TRAPPC9: variants seen among roughly 807,000 people sequenced by gnomAD.
The protein encoded by TRAPPC9 is IKK2 binding protein.
In TRAPPC9, 83 loss-of-function variants were observed where a neutral mutation model predicts 124.0. That is an observed-to-expected ratio of 0.67 (90% confidence interval 0.56 to 0.80). TRAPPC9 has a LOEUF of 0.80. Ranked by LOEUF, TRAPPC9 falls within the 30% of genes least tolerant of loss-of-function variation. The pLI is 0.00. For missense variants in TRAPPC9, 1,302 were observed against 1,508.3 expected (o/e 0.86, Z 2.27); for synonymous variants, 638 against 617.5 (o/e 1.03, Z -0.49).
intron 17 of TRAPPC9, among the ~76,000 whole-genome samples, chr8:140,177,583 C>A (rs545113373): frequency 2.0e-5 from 3 of 151,888 alleles, no homozygotes; most frequent in African/African-American, 7.3e-5. Context: ...TTCCTACATA[C>A]GTCATACAAA....
chr8:139,836,808 A>G (rs1371894191), intron 21 of TRAPPC9, among the ~76,000 whole-genome samples: 1 of 152,214 alleles, frequency 6.6e-6, no homozygotes, highest in Admixed American at 6.5e-5. Flanking sequence ...TAAGCTAAAA[A>G]ATAGGATCTT....
At chr8:140,313,592 C>T (rs897015587) in intron 9 of TRAPPC9, among the ~76,000 whole-genome samples, 2 of 152,118 alleles carry the variant, frequency 1.3e-5, no homozygotes, top group African/African-American at 4.8e-5. Flanking sequence ...GCTGTGAGCA[C>T]TCTCAGAGCT....
intron 4 of TRAPPC9, among the ~76,000 whole-genome samples, chr8:140,433,688 C>A (rs1261406665): frequency 6.6e-6 from 1 of 152,100 alleles, no homozygotes; most frequent in African/African-American, 2.4e-5. Flanking sequence ...GTCAAATCAA[C>A]GTTTTTACTT....
chr8:140,079,619 C>T (rs1470232688), intron 17 of TRAPPC9, among the ~76,000 whole-genome samples: 15 of 152,146 alleles, frequency 9.9e-5, no homozygotes. Context: ...GCAACAAAAA[C>T]GTCTAATTGT....
chr8:139,816,493 C>T (rs1824844436), intron 21 of TRAPPC9, among the ~76,000 whole-genome samples: 1 of 152,116 alleles, frequency 6.6e-6, no homozygotes. Flanking sequence ...GGGGCTGCCC[C>T]CATCTCAGTA....
At chr8:140,114,849 G>T (rs2060849563) in intron 17 of TRAPPC9, among the ~76,000 whole-genome samples, 1 of 152,216 alleles carries the variant, frequency 6.6e-6, no homozygotes, top group Non-Finnish European at 1.5e-5. Context: ...TCCGGAATAT[G>T]TGAGTAATAA....
intron 17 of TRAPPC9, among the ~76,000 whole-genome samples, chr8:140,084,157 A>G (rs557409147): frequency 3.3e-5 from 5 of 152,302 alleles, no homozygotes; most frequent in African/African-American, 1.2e-4. Flanking sequence ...AGAAAAGGGA[A>G]TAACAACATA....
chr8:140,100,453 G>A (rs1406267601), intron 17 of TRAPPC9: 1 of 152,296 alleles, frequency 6.6e-6, no homozygotes, highest in African/African-American at 2.4e-5. Flanking sequence ...GGGACACCCA[G>A]CTACGTCTCG....
At chr8:140,350,386 A>G (rs1218833967) in intron 9 of TRAPPC9, among the ~76,000 whole-genome samples, 1 of 152,182 alleles carries the variant, frequency 6.6e-6, no homozygotes, top group Non-Finnish European at 1.5e-5. Flanking sequence ...CCATTAGCAA[A>G]CCAGATGGGG....
intron 17 of TRAPPC9, among the ~76,000 whole-genome samples, chr8:140,219,917 C>T (rs762913350): frequency 1.3e-4 from 20 of 152,176 alleles, no homozygotes; most frequent in Middle Eastern, 3.2e-3. Context: ...CCCCAAGGCA[C>T]GTGCAGATCC....
At chr8:139,886,553 A>T (rs374025529) in intron 20 of TRAPPC9, among the ~76,000 whole-genome samples, 5 of 152,196 alleles carry the variant, frequency 3.3e-5, no homozygotes, top group African/African-American at 1.2e-4. Flanking sequence ...TTAAACAGCC[A>T]ATGTGATTCT....
At chr8:139,817,079 C>CACA (rs376187685) in intron 21 of TRAPPC9, among the ~76,000 whole-genome samples, 5 of 151,078 alleles carry the variant, frequency 3.3e-5, no homozygotes, top group Admixed American at 6.6e-5. Flanking sequence ...CACACACACA[C>CACA]CAGCCACTGC....
Position 139,822,065 on chromosome 8 carries a change from G to A in TRAPPC9, c.3055+63814C>T, listed in dbSNP as rs540447424. ...AGTCGTGATGGCTTTATTAGGGACC[G>A]TGGGGTGCTGCAAACAGCCTTGAGG... On this transcript the variant is annotated intron_variant, in intron 21 of 22. Transcript: ENST00000438773. Among the ~76,000 whole-genome samples the A allele has an allele frequency of 7.9e-5, 12 of 152,308 alleles. No homozygotes were observed. The South Asian group carries it at 8.3e-4, about 11-fold the overall frequency.
chr8:139,941,685 A>G (rs999583458), intron 19 of TRAPPC9, among the ~76,000 whole-genome samples: 1 of 152,208 alleles, frequency 6.6e-6, no homozygotes, highest in Admixed American at 6.5e-5. Flanking sequence ...GCGTGACTGT[A>G]ACTGTGGCAA....
chr8:140,283,483 G>C (rs190940754), intron 14 of TRAPPC9, among the ~76,000 whole-genome samples: 5 of 150,066 alleles, frequency 3.3e-5, no homozygotes, highest in African/African-American at 9.8e-5. Context: ...ATTTTTAGTA[G>C]AGACGGGGTT....
intron 19 of TRAPPC9, among the ~76,000 whole-genome samples, chr8:139,961,359 C>T (rs987063318): frequency 8.1e-6 from 1 of 123,964 alleles, no homozygotes; most frequent in African/African-American, 2.5e-5. Flanking sequence ...CCAGTGAGAG[C>T]CCCACCCCTT....
intron 21 of TRAPPC9, among the ~76,000 whole-genome samples, chr8:139,855,042 G>T (rs922880550): frequency 2.6e-5 from 4 of 152,162 alleles, no homozygotes; most frequent in African/African-American, 9.7e-5. Flanking sequence ...ATGCGTCAAT[G>T]ATTAAACCAT....
At chr8:140,458,466 C>G, upstream of TRAPPC9, 1 of 1,572,898 alleles carries the variant, frequency 6.4e-7, no homozygotes. Flanking sequence ...GGGAGCGCCT[C>G]CAGGATCGCA....
chr8:139,965,513 C>T (rs571385567), intron 19 of TRAPPC9, among the ~76,000 whole-genome samples: 35 of 152,150 alleles, frequency 2.3e-4, no homozygotes, highest in Admixed American at 1.7e-3. Flanking sequence ...CTCATTGAGC[C>T]GAAAATGATG....
Sources: allele counts gnomAD v4.1 joint callset (sites outside exome capture counted in the v4.1 genomes callset), GRCh38; gene constraint gnomAD v4.1.1; transcripts MANE v1.5; gene names NCBI Gene and HGNC (gene_info 2026-07-23, HGNC 2026-07-21).